The following GPATCH2 variants were observed in gnomAD, a reference collection of about 807,000 sequenced individuals.
GPATCH2 encodes G-patch domain containing 2, also known as G patch domain-containing protein 2.
In GPATCH2, 51 loss-of-function variants were observed where a neutral mutation model predicts 58.0. That is an observed-to-expected ratio of 0.88 (90% CI 0.70 to 1.11). The LOEUF is 1.11. Ranked by LOEUF, GPATCH2 falls within the 50% of genes most tolerant of loss-of-function variation. The pLI is 0.00. For synonymous variants in GPATCH2, 222 were observed against 218.5 expected (o/e 1.02, Z -0.14); for missense variants, 625 against 652.2 (o/e 0.96, Z 0.45).
At chr1:217,479,415 T>C (rs1464764814) in intron 8 of GPATCH2, among the ~76,000 whole-genome samples, 3 of 152,212 alleles carry the variant, frequency 2.0e-5, no homozygotes, top group East Asian at 3.8e-4. Flanking sequence ...AGTTTTCTTT[T>C]TGCTTTATGC....
chr1:217,438,650 T>C (rs1658971954), intron 9 of GPATCH2, among the ~76,000 whole-genome samples: 1 of 151,842 alleles, frequency 6.6e-6, no homozygotes, highest in South Asian at 2.1e-4. Context: ...AAATAAAGCA[T>C]GAAGACAAGA....
chr1:217,512,593 G>C (rs949784017), intron 6 of GPATCH2, among the ~76,000 whole-genome samples: 1 of 152,186 alleles, frequency 6.6e-6, no homozygotes, highest in Non-Finnish European at 1.5e-5. Flanking sequence ...GCCTCAGGGC[G>C]AAGCCATTAA....
intron 9 of GPATCH2, among the ~76,000 whole-genome samples, chr1:217,445,276 T>C (rs548438190): frequency 2.6e-5 from 4 of 152,228 alleles, no homozygotes; most frequent in East Asian, 1.9e-4. Context: ...GTGGATAACA[T>C]TGAATTTTCA....
intron 2 of GPATCH2, among the ~76,000 whole-genome samples, chr1:217,618,763 C>T (rs921803413): frequency 3.9e-5 from 6 of 151,964 alleles, no homozygotes; most frequent in African/African-American, 1.4e-4. Context: ...GGTTGAAGAC[C>T]AGCCTGGCCA....
intron 5 of GPATCH2, among the ~76,000 whole-genome samples, chr1:217,532,900 G>GT (rs59591091): frequency 8.0e-4 from 89 of 110,846 alleles, no homozygotes; most frequent in Middle Eastern, 5.4e-3. Flanking sequence ...TTTTTTTTTT[G>GT]TTTTTTTTTT....
intron 9 of GPATCH2, among the ~76,000 whole-genome samples, chr1:217,435,488 T>C (rs1658780857): frequency 1.3e-5 from 2 of 152,330 alleles, no homozygotes; most frequent in South Asian, 2.1e-4. Flanking sequence ...AAGTGTTGTA[T>C]TGATGTTGGA....
At chr1:217,617,485 C>T (rs1315458130) in intron 2 of GPATCH2, among the ~76,000 whole-genome samples, 1 of 151,962 alleles carries the variant, frequency 6.6e-6, no homozygotes, top group Non-Finnish European at 1.5e-5. Context: ...CCAGGTGCCA[C>T]CAGTGAAGAG....
intron 5 of GPATCH2, among the ~76,000 whole-genome samples, chr1:217,601,714 A>C (rs1668116924): frequency 1.3e-5 from 2 of 152,114 alleles, no homozygotes; most frequent in South Asian, 4.1e-4. Context: ...AAGGCTGAAA[A>C]TTCCAGCCTG....
At chr1:217,506,539 CT>C (rs1455599982) in intron 6 of GPATCH2, among the ~76,000 whole-genome samples, 1 of 152,128 alleles carries the variant, frequency 6.6e-6, no homozygotes, top group Non-Finnish European at 1.5e-5. Flanking sequence ...AGGAGGATGC[CT>C]TTTGGCCTTT....
intron 8 of GPATCH2, among the ~76,000 whole-genome samples, chr1:217,457,808 C>T (rs1003587492): frequency 1.3e-5 from 2 of 152,158 alleles, no homozygotes; most frequent in African/African-American, 4.8e-5. Flanking sequence ...ATGAAACACT[C>T]ATTTTCATTT....
intron 1 of GPATCH2, among the ~76,000 whole-genome samples, chr1:217,623,436 AAT>A (rs554957801): frequency 2.0e-4 from 30 of 152,168 alleles, no homozygotes; most frequent in East Asian, 1.5e-3. Context: ...TGCTGTAACC[AAT>A]AGAGTTTAAT....
intron 5 of GPATCH2, among the ~76,000 whole-genome samples, chr1:217,581,074 A>C (rs1019592933): frequency 9.2e-5 from 14 of 152,106 alleles, no homozygotes; most frequent in Non-Finnish European, 1.8e-4. Context: ...CGACTTATTA[A>C]ATCAGAATTG....
chr1:217,486,382 C>T (rs956922702), intron 8 of GPATCH2, among the ~76,000 whole-genome samples: 2 of 151,992 alleles, frequency 1.3e-5, no homozygotes, highest in African/African-American at 4.8e-5. Flanking sequence ...AAAGGCTGTT[C>T]TTGTCAAATG....
chr1:217,428,015 ATG>A lies in GPATCH2; in HGVS notation c.*3128_*3129del, dbSNP rs1318224690. The A allele has an allele frequency of 6.6e-6, 1 of 152,192 alleles. No homozygotes were observed. Among genetic ancestry groups the A allele is most frequent in the African/African-American group, 2.4e-5 (1 of 41,464 alleles). 9.4% of individuals were successfully genotyped at this position (152,192 alleles called of 1,614,324 possible). ...ATTGGCAGATTTTAATTAGCAATGAATGTTTATTTAAAAGGGTGCCATATAGT... is the reference window on the plus strand; with the variant it reads ...ATTGGCAGATTTTAATTAGCAATGAATTTATTTAAAAGGGTGCCATATAGT... On this transcript the variant is annotated 3_prime_UTR_variant, in exon 10 of 10. Coordinates refer to ENST00000366935, the MANE Select transcript of GPATCH2 (RefSeq NM_018040.5).
At position 217,620,804 on chromosome 1, in the gene GPATCH2, A is replaced by G. The variant is rs137860720; in HGVS notation, c.57-305T>C. ...ATGGAAAAGTTCTGTTTAAATCCCT[A>G]TCCGCTGGCCCACTCCTACCCCTTT... is the stretch of plus-strand genomic sequence containing the variant. On this transcript the variant is annotated intron_variant, in intron 1 of 9. Transcript: ENST00000366935. 5.3e-5 allele frequency among the ~76,000 whole-genome samples: 8 copies of G among 152,270 alleles called. No individual in the cohort carries two copies. In the East Asian group the frequency reaches 1.5e-3, roughly 29 times the overall value.
At chr1:217,594,845 C>T (rs1667750186) in intron 5 of GPATCH2, among the ~76,000 whole-genome samples, 1 of 152,122 alleles carries the variant, frequency 6.6e-6, no homozygotes, top group Admixed American at 6.6e-5. Flanking sequence ...CTGCTTTGCC[C>T]TCCTTGTCCT....
chr1:217,472,808 G>A (rs1048825193), intron 8 of GPATCH2, among the ~76,000 whole-genome samples: 9 of 152,168 alleles, frequency 5.9e-5, no homozygotes, highest in African/African-American at 1.9e-4. Context: ...TTGCAGAACC[G>A]TTCTCCACGT....
At chr1:217,526,764 G>A (rs543740781) in intron 5 of GPATCH2, among the ~76,000 whole-genome samples, 52 of 152,342 alleles carry the variant, frequency 3.4e-4, no homozygotes, top group African/African-American at 1.1e-3. Context: ...AGCAGGAGGT[G>A]AGCAACAGAC....
intron 9 of GPATCH2, among the ~76,000 whole-genome samples, chr1:217,432,773 T>C (rs893265846): frequency 2.6e-5 from 4 of 152,278 alleles, no homozygotes; most frequent in Admixed American, 2.0e-4. Flanking sequence ...TGAAAGTCTA[T>C]CTTAAAAGAA....
Sources: allele counts gnomAD v4.1 joint callset (sites outside exome capture counted in the v4.1 genomes callset), GRCh38; gene constraint gnomAD v4.1.1; transcripts MANE v1.5; gene names NCBI Gene and HGNC (gene_info 2026-07-23, HGNC 2026-07-21).